The following MIA2 variants were observed in gnomAD, a reference collection of about 807,000 sequenced individuals.
MIA2 encodes the protein MIA SH3 domain ER export factor 2, also known as melanoma inhibitory activity protein 2.
MIA2 carries 127 observed loss-of-function variants against 167.8 expected under a neutral mutation model. The observed-to-expected ratio is 0.76, with a 90% CI of 0.66 to 0.88. The LOEUF (loss-of-function observed/expected upper bound fraction) is 0.88, where lower values mean the gene tolerates loss of function less well. Ranked by LOEUF, MIA2 falls within the 40% of genes least tolerant of loss-of-function variation. MIA2 has a pLI of 0.00. For missense variants in MIA2, 1,690 were observed against 1,624.7 expected (o/e 1.04, Z -0.69); for synonymous variants, 552 against 541.9 (o/e 1.02, Z -0.26).
intron 25 of MIA2, among the ~76,000 whole-genome samples, chr14:39,333,212 A>C (rs2069352631): frequency 6.6e-6 from 1 of 151,964 alleles, no homozygotes; most frequent in Non-Finnish European, 1.5e-5. Flanking sequence ...CTCTTTCTTG[A>C]TGAGTTTGTA....
intron 6 of MIA2, chr14:39,266,484 G>A (rs2055661890): frequency 3.0e-6 from 3 of 985,506 alleles, no homozygotes; most frequent in Non-Finnish European, 3.6e-6. Context: ...GGCCGCTAAT[G>A]GAACTGAAGA....
intron 9 of MIA2, among the ~76,000 whole-genome samples, chr14:39,287,166 C>T (rs909123798): frequency 3.3e-5 from 5 of 152,032 alleles, no homozygotes; most frequent in Admixed American, 6.6e-5. Flanking sequence ...CTCAGCCTCC[C>T]GGGTTCAGGT....
At chr14:39,297,773 C>T (rs955309247) in intron 13 of MIA2, among the ~76,000 whole-genome samples, 2 of 151,748 alleles carry the variant, frequency 1.3e-5, no homozygotes, top group Admixed American at 1.3e-4. Flanking sequence ...ATATTTATGT[C>T]ATGGGAGGCT....
intron 9 of MIA2, among the ~76,000 whole-genome samples, chr14:39,279,903 C>T (rs2058674878): frequency 1.3e-5 from 2 of 152,172 alleles, no homozygotes; most frequent in Admixed American, 1.3e-4. Flanking sequence ...ATTTTGACCA[C>T]CTCCAAAGGC....
At position 39,236,251 on chromosome 14, in the gene MIA2, A is replaced by G. The variant is rs115732518; in HGVS notation, c.116-671A>G. Among the ~76,000 whole-genome samples, 286 of 152,314 alleles carry G rather than the reference A, an allele frequency of 1.9e-3. 2 individuals carry two copies. Among genetic ancestry groups the G allele is most frequent in the African/African-American group, 6.7e-3 (277 of 41,576 alleles). On this transcript the variant is annotated intron_variant, in intron 1 of 28. Coordinates refer to ENST00000640607, the MANE Select transcript of MIA2 (RefSeq NM_001329214.4). ...TAAAGTTCAGAGAAAGGGCAATCGC[A>G]GTAGGCTGGAATAATCAGGCTGCTT...
At chr14:39,302,327 C>A in intron 15 of MIA2, 78 bp downstream of exon 15, 1 of 1,507,248 alleles carries the variant, frequency 6.6e-7, no homozygotes, top group Non-Finnish European at 9.1e-7. Flanking sequence ...CTGTGTGCAC[C>A]ATGTTCTTTA....
At chr14:39,248,437 T>C (rs2054405108) in intron 4 of MIA2, among the ~76,000 whole-genome samples, 1 of 151,300 alleles carries the variant, frequency 6.6e-6, no homozygotes, top group Non-Finnish European at 1.5e-5. Context: ...GAAATAGTGC[T>C]AAGGCATTTT....
chr14:39,235,875 G>A (rs2053718095), intron 1 of MIA2, among the ~76,000 whole-genome samples: 1 of 151,914 alleles, frequency 6.6e-6, no homozygotes, highest in South Asian at 2.1e-4. Flanking sequence ...CATGAAAAGG[G>A]AACATTCAAA....
At chr14:39,318,609 A>AT (rs2065895600) in intron 22 of MIA2, among the ~76,000 whole-genome samples, 1 of 152,162 alleles carries the variant, frequency 6.6e-6, no homozygotes, top group South Asian at 2.1e-4. Flanking sequence ...AGTCTCAGAA[A>AT]TTAAAATCAA....
intron 10 of MIA2, among the ~76,000 whole-genome samples, chr14:39,293,033 T>C (rs2060941245): frequency 6.6e-6 from 1 of 152,162 alleles, no homozygotes; most frequent in South Asian, 2.1e-4. Flanking sequence ...TGCAGTGGCA[T>C]AGTTGAGTAA....
chr14:39,278,568 A>G (rs2058493853), intron 7 of MIA2, among the ~76,000 whole-genome samples: 1 of 152,322 alleles, frequency 6.6e-6, no homozygotes, highest in East Asian at 1.9e-4. Flanking sequence ...TTTACAAATG[A>G]ATTCCCGCCT....
intron 23 of MIA2, among the ~76,000 whole-genome samples, chr14:39,359,595 C>A (rs2074626579): frequency 6.6e-6 from 1 of 152,172 alleles, no homozygotes; most frequent in Non-Finnish European, 1.5e-5. Context: ...GTGAGATGAA[C>A]CCGGTACCTC....
At position 39,277,020 on chromosome 14, in the gene MIA2, T is replaced by G; in HGVS notation, c.1974T>G (p.Val658=). 1 of 1,613,954 alleles carries G rather than the reference T, an allele frequency of 6.2e-7. No homozygotes were observed. Among genetic ancestry groups the G allele is most frequent in the Non-Finnish European group, 8.5e-7 (1 of 1,179,886 alleles). The change falls in exon 7 of 29, where the codon GTT becomes GTG. Residue 658 remains valine, a synonymous_variant. Transcript: ENST00000640607. ...AATTGGTGATATGTGCAGCTGTTGT[T>G]GGATTTTTTGCTGTTCTCTTTTTTT... ...PWELVICAAV[V]GFFAVLFFLW...
intron 6 of MIA2, among the ~76,000 whole-genome samples, chr14:39,273,330 G>A (rs10142523): frequency 0.38 from 52,377 of 137,962 alleles, 10,712 homozygotes; most frequent in Non-Finnish European, 0.48. Flanking sequence ...CCCTCAAATC[G>A]TACTTTGTTG....
rs903233108 is a variant in MIA2 at position 39,293,250 on chromosome 14, A to G, written c.2209-21A>G. The G allele has an allele frequency of 3.4e-6, 5 of 1,487,206 alleles. No homozygotes were observed. The African/African-American group carries it at 5.6e-5, about 17-fold the overall frequency. The allele number at this position is 1,487,206 out of a possible 1,614,324, so 92.1% of individuals were successfully genotyped here. A position where few individuals can be genotyped will look rare whatever the true frequency, so the allele number is the denominator to read the frequency against. ...TGAAAAATTCTTATATCTGTTTAAT[A>G]AAGTTGGCTTTCTCTCTTAGGCAAC... On this transcript the variant is annotated intron_variant, in intron 10 of 28. Transcript: ENST00000640607.
intron 28 of MIA2, 124 bp downstream of exon 28, chr14:39,349,101 T>C: frequency 2.4e-6 from 3 of 1,224,722 alleles, no homozygotes; most frequent in Non-Finnish European, 2.3e-6. Context: ...TCTGTGAATC[T>C]GAAAATTCTC....
At position 39,345,892 on chromosome 14, in the gene MIA2, C is replaced by T. The variant is rs372961798; in HGVS notation, c.3656-12C>T. Reference sequence around the variant, plus strand: ...TACATTAATGAAGACATTTTAAAAACTTATTTTCTAGGACAATCATATCCT... The same window carrying T: ...TACATTAATGAAGACATTTTAAAAATTTATTTTCTAGGACAATCATATCCT... On this transcript the variant is annotated splice_polypyrimidine_tract_variant and intron_variant, in intron 25 of 28. Coordinates refer to ENST00000640607, the MANE Select transcript of MIA2 (RefSeq NM_001329214.4). The T allele has an allele frequency of 4.4e-6, 7 of 1,597,512 alleles. No homozygotes were observed. The Admixed American group carries it at 1.1e-4, about 24-fold the overall frequency.
intron 25 of MIA2, among the ~76,000 whole-genome samples, chr14:39,337,110 A>G (rs1476235559): frequency 6.6e-6 from 1 of 152,204 alleles, no homozygotes; most frequent in Non-Finnish European, 1.5e-5. Context: ...TATATTATAT[A>G]GTGACATAAC....
downstream of MIA2, among the ~76,000 whole-genome samples, chr14:39,353,785 A>T (rs1031297235): frequency 6.6e-6 from 1 of 152,190 alleles, no homozygotes; most frequent in Non-Finnish European, 1.5e-5. Flanking sequence ...TCATTGTTCA[A>T]TTCCCACCTA....
Sources: allele counts gnomAD v4.1 joint callset (sites outside exome capture counted in the v4.1 genomes callset), GRCh38; gene constraint gnomAD v4.1.1; transcripts MANE v1.5; gene names NCBI Gene and HGNC (gene_info 2026-07-23, HGNC 2026-07-21).